Variants in MYH11 observed in about 807,000 individuals in gnomAD.
The protein encoded by MYH11 is myosin-11.
Under a neutral mutation model 246.6 loss-of-function variants are expected in MYH11, and 80 were observed. That is an observed-to-expected ratio of 0.32 (90% CI 0.27 to 0.39). The LOEUF (loss-of-function observed/expected upper bound fraction) is 0.39, where lower values mean the gene tolerates loss of function less well. Among genes scored for constraint, MYH11 ranks in the 10% least tolerant of loss-of-function variants. The probability of loss-of-function intolerance (pLI) is 1.00; values close to 1 mark genes in which losing one functional copy is unlikely to be tolerated. For synonymous variants in MYH11, 1,071 were observed against 1,015.5 expected, an observed-to-expected ratio of 1.05 and a Z score of -1.04; for missense variants, 2,158 against 2,546.8, an observed-to-expected ratio of 0.85 and a Z score of 3.29.
chr16:15,711,251 G>A lies in MYH11; in HGVS notation c.5786+3658C>T, dbSNP rs927320455. 5 of 152,160 alleles carry A rather than the reference G, an allele frequency of 3.3e-5. No homozygotes were observed. In the East Asian group the frequency reaches 5.8e-4, roughly 18 times the overall value. 9.4% of individuals were successfully genotyped at this position (152,160 alleles called of 1,614,324 possible). ...CTAGAGGTGATTTCAGATGGCTTCCGGGCATGCCATCCGCTAACTGAACTG... is the reference window on the plus strand; with the variant it reads ...CTAGAGGTGATTTCAGATGGCTTCCAGGCATGCCATCCGCTAACTGAACTG... On this transcript the variant is annotated intron_variant, in intron 40 of 40. Coordinates refer to ENST00000300036, the MANE Select transcript of MYH11 (RefSeq NM_002474.3).
At chr16:15,815,918 C>A (rs909894559) in intron 3 of MYH11, among the ~76,000 whole-genome samples, 1 of 151,988 alleles carries the variant, frequency 6.6e-6, no homozygotes, top group African/African-American at 2.4e-5. Context: ...AACTAGAAGG[C>A]AACAACACAA....
rs1361275417 is a variant in MYH11 at position 15,748,037 on chromosome 16, T to C, written c.2180+10A>G. The C allele has an allele frequency of 1.9e-6, 3 of 1,614,152 alleles. No individual in the cohort carries two copies. On this transcript the variant is annotated intron_variant, in intron 17 of 40. Transcript: ENST00000300036. ...CCCCTGCCCTACCTGGGCCAGACCT[T>C]GGGACTTACCGTTGGCGGAACTCCT... is the stretch of plus-strand genomic sequence containing the variant.
intron 11 of MYH11, among the ~76,000 whole-genome samples, chr16:15,760,246 T>C (rs1305167711): frequency 6.6e-6 from 1 of 151,608 alleles, no homozygotes. Context: ...GGATGGGTGA[T>C]GGATGGACGG....
At position 15,793,672 on chromosome 16, in the gene MYH11, T is replaced by C. The variant is rs376131966; in HGVS notation, c.530+4988A>G. 1.7e-4 allele frequency among the ~76,000 whole-genome samples: 24 copies of C among 140,808 alleles called. 1 individual carries two copies. The highest frequency in any genetic ancestry group is 1.3e-3 in the Admixed American group (17 of 13,062). 92.4% of individuals were successfully genotyped at this position (140,808 alleles called of 152,430 possible). A position where few individuals can be genotyped will look rare whatever the true frequency, so the allele number is the denominator to read the frequency against. ...TCTCGCTCTGTCACCCAGGCTGGAG[T>C]GCACTGGCGTGATCTCAGCTCACTG... On this transcript the variant is annotated intron_variant, in intron 4 of 40. Coordinates refer to ENST00000300036, the MANE Select transcript of MYH11 (RefSeq NM_002474.3).
At chr16:15,705,968 G>C (rs1371432617) in intron 40 of MYH11, among the ~76,000 whole-genome samples, 2 of 88,510 alleles carry the variant, frequency 2.3e-5, no homozygotes, top group African/African-American at 7.1e-5. Flanking sequence ...CTAGGCGACA[G>C]GGTGAGACTC....
At chr16:15,836,645 C>G (rs1265507406) in intron 2 of MYH11, among the ~76,000 whole-genome samples, 1 of 151,978 alleles carries the variant, frequency 6.6e-6, no homozygotes, top group Non-Finnish European at 1.5e-5. Flanking sequence ...GGTGATCCAC[C>G]CACCTTGGCC....
Position 15,837,723 on chromosome 16 carries a change from C to T in MYH11, c.345+185G>A, listed in dbSNP as rs139230933. Among the ~76,000 whole-genome samples the T allele has an allele frequency of 2.8e-3, 426 of 152,032 alleles. 1 individual carries two copies. The highest frequency in any genetic ancestry group is 4.2e-3 in the Admixed American group (64 of 15,260). ...CTACTTTTTGTATTTTTAGTAGAGA[C>T]GGCATTTCATCATGTTGGCCAGCGT... On this transcript the variant is annotated intron_variant, in intron 2 of 40. Coordinates refer to ENST00000300036, the MANE Select transcript of MYH11 (RefSeq NM_002474.3).
chr16:15,818,726 G>A (rs950189923), intron 3 of MYH11, among the ~76,000 whole-genome samples: 5 of 152,062 alleles, frequency 3.3e-5, no homozygotes, highest in East Asian at 1.9e-4. Flanking sequence ...GTTAGCCACC[G>A]TGCCCGATTC....
intron 2 of MYH11, among the ~76,000 whole-genome samples, chr16:15,832,424 C>T (rs1428479666): frequency 2.0e-5 from 3 of 152,030 alleles, no homozygotes; most frequent in Non-Finnish European, 1.5e-5. Flanking sequence ...AGAGGTGCCA[C>T]GGTCAATGGT....
chr16:15,725,047 A>G, intron 28 of MYH11, 55 bp from the exon 29 acceptor site: 1 of 1,483,896 alleles, frequency 6.7e-7, no homozygotes, highest in Non-Finnish European at 9.3e-7. Context: ...ATCCTCGTTG[A>G]AAGGAGCCCT....
At chr16:15,734,485 A>G (rs2041058712) in intron 26 of MYH11, among the ~76,000 whole-genome samples, 1 of 152,156 alleles carries the variant, frequency 6.6e-6, no homozygotes, top group Non-Finnish European at 1.5e-5. Flanking sequence ...TTTATAGTAG[A>G]GACAGGGTTT....
At chr16:15,814,762 T>C (rs2151345198) in intron 3 of MYH11, among the ~76,000 whole-genome samples, 1 of 152,070 alleles carries the variant, frequency 6.6e-6, no homozygotes, top group South Asian at 2.1e-4. Flanking sequence ...AAGGCACTGT[T>C]AGACCCCTCC....
chr16:15,710,688 G>GTT (rs202074294), intron 40 of MYH11, among the ~76,000 whole-genome samples: 4 of 147,512 alleles, frequency 2.7e-5, no homozygotes, highest in Admixed American at 1.4e-4. Flanking sequence ...TTTGTTTTTT[G>GTT]TTTTTTTTTT....
intron 2 of MYH11, among the ~76,000 whole-genome samples, chr16:15,829,863 A>ATG (rs2043683587): frequency 6.6e-5 from 10 of 152,146 alleles, no homozygotes; most frequent in Non-Finnish European, 7.4e-5. Flanking sequence ...GGCCGGGCGC[A>ATG]GTGGCTCACA....
intron 2 of MYH11, among the ~76,000 whole-genome samples, chr16:15,832,715 G>A (rs1254102418): frequency 6.6e-6 from 1 of 152,096 alleles, no homozygotes; most frequent in Non-Finnish European, 1.5e-5. Flanking sequence ...TTCTTGCTCT[G>A]CACTTAAAGC....
chr16:15,798,635 CA>C, intron 4 of MYH11, 24 bp downstream of exon 4: 1 of 1,111,306 alleles, frequency 9.0e-7, no homozygotes, highest in Non-Finnish European at 1.2e-6. Context: ...AAAAAAAAAA[CA>C]GAAGAAAAAG....
intron 31 of MYH11, 146 bp from the exon 32 acceptor site, chr16:15,721,780 A>G (rs1825251127): frequency 2.5e-6 from 2 of 784,612 alleles, no homozygotes; most frequent in Non-Finnish European, 4.2e-6. Flanking sequence ...AGTAATTTAT[A>G]TAATCATCTG....
At chr16:15,729,618 T>G (rs1177356285) in intron 27 of MYH11, among the ~76,000 whole-genome samples, 2 of 151,882 alleles carry the variant, frequency 1.3e-5, no homozygotes, top group East Asian at 3.9e-4. Context: ...TGGCACAATC[T>G]TGGCTCACTG....
chr16:15,738,070 GC>G (rs1193691505), intron 24 of MYH11, among the ~76,000 whole-genome samples: 3 of 152,124 alleles, frequency 2.0e-5, no homozygotes, highest in Non-Finnish European at 4.4e-5. Context: ...ACAGGCGAGA[GC>G]CACCGCACCC....
Sources: gnomAD v4.1 joint callset for allele counts (sites outside exome capture counted in the v4.1 genomes callset) on GRCh38, gnomAD v4.1.1 for gene constraint, MANE v1.5 for transcripts, NCBI Gene and HGNC (gene_info 2026-07-23, HGNC 2026-07-21) for gene names.